Variants in ECT2 observed in about 807,000 individuals in gnomAD.
ECT2 encodes the protein protein ECT2.
In ECT2, 61 loss-of-function variants were observed where a neutral mutation model predicts 116.9. The ratio of observed to expected loss-of-function variants is 0.52; its 90% CI spans 0.42 to 0.65. The LOEUF is 0.65. Among genes scored for constraint, ECT2 ranks in the 30% least tolerant of loss-of-function variants. The pLI, the probability that ECT2 is intolerant of heterozygous loss-of-function variation, is 0.00. For synonymous variants in ECT2, 358 were observed against 346.4 expected (o/e 1.03, Z -0.37); for missense variants, 937 against 1,078.7 (o/e 0.87, Z 1.84).
At chr3:172,765,391 A>G (rs193130179) in intron 12 of ECT2, among the ~76,000 whole-genome samples, 19 of 152,126 alleles carry the variant, frequency 1.2e-4, no homozygotes, top group African/African-American at 3.6e-4. Context: ...AGTAAAATCT[A>G]TGGTTTTGAA....
intron 18 of ECT2, among the ~76,000 whole-genome samples, chr3:172,792,270 G>GA (rs1724807178): frequency 6.6e-6 from 1 of 152,142 alleles, no homozygotes; most frequent in African/African-American, 2.4e-5. Context: ...TGTACTGTTA[G>GA]AAAAATGACA....
intron 18 of ECT2, among the ~76,000 whole-genome samples, chr3:172,796,151 G>A (rs1430784043): frequency 1.3e-5 from 2 of 152,126 alleles, no homozygotes; most frequent in Admixed American, 1.3e-4. Flanking sequence ...GGTTGTTCCA[G>A]TATCAAAAAA....
rs764375408 is a variant in ECT2 at position 172,815,711 on chromosome 3, G to A, written c.2508G>A (p.Lys836=). The A allele has an allele frequency of 1.9e-6, 3 of 1,575,156 alleles. No homozygotes were observed. The South Asian group carries it at 3.5e-5, about 18-fold the overall frequency. The part of the protein sequence containing the change: ...ASRAIKKTSK[K]VTRAFSFSKT... ...GAGCAATAAAAAAGACTTCAAAAAA[G>A]GTGAGTTTTAGTGAAAGTATTATTT... The change falls in exon 23 of 25, where the codon AAG becomes AAA. Residue 836 remains lysine (K), a splice_region_variant and synonymous_variant. Coordinates refer to ENST00000392692, the MANE Select transcript of ECT2 (RefSeq NM_001258315.2).
At chr3:172,784,645 A>G (rs1723298147) in intron 16 of ECT2, 62 bp from the exon 17 acceptor site, 1 of 1,215,012 alleles carries the variant, frequency 8.2e-7, no homozygotes, top group African/African-American at 1.5e-5. Context: ...ACTCCAGTAA[A>G]AGTAGGGCAT....
Position 172,762,416 on chromosome 3 carries a change from G to A in ECT2, c.759G>A (p.Gln253=). 1 of 1,591,360 alleles carries A rather than the reference G, an allele frequency of 6.3e-7. No homozygotes were observed. Among genetic ancestry groups the A allele is most frequent in the Non-Finnish European group, 8.5e-7 (1 of 1,174,604 alleles). Residue 253 remains glutamine, a splice_region_variant and synonymous_variant, in exon 9 of 25, where the codon CAG becomes CAA. Transcript: ENST00000392692. ...TTGGAAGAGTGTATTTTGTTTTTAG[G>A]GATTTCTATGCAGCAGTTGATGACT... is the stretch of plus-strand genomic sequence containing the variant. ...IYKAWERRNE[Q]DFYAAVDDFR...
intron 24 of ECT2, among the ~76,000 whole-genome samples, chr3:172,817,227 T>C (rs771538889): frequency 7.9e-5 from 12 of 152,108 alleles, no homozygotes; most frequent in African/African-American, 2.7e-4. Context: ...TCTCCCCTAG[T>C]GCACTTTAAA....
Position 172,768,990 on chromosome 3 carries a change from A to G in ECT2, c.1292-17A>G, listed in dbSNP as rs1193596176. The G allele has an allele frequency of 6.4e-7, 1 of 1,571,924 alleles. No homozygotes were observed. Among genetic ancestry groups the G allele is most frequent in the Non-Finnish European group, 8.6e-7 (1 of 1,159,240 alleles). On this transcript the variant is annotated splice_polypyrimidine_tract_variant and intron_variant, in intron 12 of 24. Coordinates refer to ENST00000392692, the MANE Select transcript of ECT2 (RefSeq NM_001258315.2). ...TATTTGGCTTCCATTAAATCTTTCC[A>G]CCTTTTAACGTTTCAGACACCCCAA...
chr3:172,763,604 G>A (rs1214442186), intron 11 of ECT2, among the ~76,000 whole-genome samples: 2 of 152,188 alleles, frequency 1.3e-5, no homozygotes, highest in African/African-American at 4.8e-5. Flanking sequence ...TAAGGGGAGA[G>A]ACGTCATTAA....
Position 172,756,999 on chromosome 3 carries a change from T to G in ECT2, c.320T>G (p.Phe107Cys). The G allele has an allele frequency of 6.2e-7, 1 of 1,605,228 alleles. No individual in the cohort carries two copies. Among genetic ancestry groups the G allele is most frequent in the Non-Finnish European group, 8.5e-7 (1 of 1,177,746 alleles). Reference protein sequence around the residue: ...SVINMDIKVGFVKMESVEEFE... With the variant: ...SVINMDIKVGCVKMESVEEFE... ...GATGAAAAGGACATTAAAGTGGGCTTTGTAAAGATGGAGTCAGTGGAAGAA... is the reference window on the plus strand; with the variant it reads ...GATGAAAAGGACATTAAAGTGGGCTGTGTAAAGATGGAGTCAGTGGAAGAA... The change falls in exon 5 of 25, where the codon TTT becomes TGT. Residue 107 changes from phenylalanine to cysteine, a missense_variant. Coordinates refer to ENST00000392692, the MANE Select transcript of ECT2 (RefSeq NM_001258315.2).
chr3:172,782,640 G>A (rs979565686), intron 15 of ECT2, among the ~76,000 whole-genome samples: 7 of 152,140 alleles, frequency 4.6e-5, no homozygotes, highest in East Asian at 3.8e-4. Flanking sequence ...TCACCCAGGC[G>A]TTAAGCCTGG....
At chr3:172,823,374 A>T (rs187729950), downstream of ECT2, among the ~76,000 whole-genome samples, 450 of 152,312 alleles carry the variant, frequency 3.0e-3, 3 homozygotes, top group African/African-American at 0.01. Context: ...AACATGTAAG[A>T]CTATCAACCT....
At chr3:172,809,972 A>G (rs1728467801) in intron 22 of ECT2, among the ~76,000 whole-genome samples, 1 of 152,120 alleles carries the variant, frequency 6.6e-6, no homozygotes, top group Admixed American at 6.5e-5. Flanking sequence ...GAATCTAAGG[A>G]TTAAAGTTTA....
chr3:172,796,017 T>C (rs936639540), intron 18 of ECT2, among the ~76,000 whole-genome samples: 1 of 151,944 alleles, frequency 6.6e-6, no homozygotes, highest in Non-Finnish European at 1.5e-5. Context: ...GAAGAAAAAA[T>C]TGGAGGAAAA....
chr3:172,768,223 A>G (rs1009383945), intron 12 of ECT2, among the ~76,000 whole-genome samples: 1 of 152,180 alleles, frequency 6.6e-6, no homozygotes, highest in Admixed American at 6.5e-5. Flanking sequence ...GTAATTGTGT[A>G]ATCACAACAA....
At chr3:172,774,693 A>G (rs1304205509) in intron 14 of ECT2, among the ~76,000 whole-genome samples, 1 of 150,926 alleles carries the variant, frequency 6.6e-6, no homozygotes, top group African/African-American at 2.4e-5. Context: ...GAGACAGGGC[A>G]GGGTCTTGCT....
Position 172,815,615 on chromosome 3 carries a change from T to G in ECT2, c.2412T>G (p.Ile804Met). 6.3e-7 allele frequency: 1 copy of G among 1,581,938 alleles called. No homozygotes were observed. The highest frequency in any genetic ancestry group is 1.4e-5 in the African/African-American group (1 of 73,704). Residue 804 changes from isoleucine (I) to methionine (M), a missense_variant, in exon 23 of 25, where the codon ATT becomes ATG. Coordinates refer to ENST00000392692, the MANE Select transcript of ECT2 (RefSeq NM_001258315.2). Reference sequence around the variant, plus strand: ...TTATTTTTCAATAGGAGAATCTTATTTATACTGCTGATCCAGAATCCTTTG... The same window carrying G: ...TTATTTTTCAATAGGAGAATCTTATGTATACTGCTGATCCAGAATCCTTTG... ...TICKADAENL[I>M]YTADPESFEV...
At chr3:172,803,947 G>C (rs975976696) in intron 20 of ECT2, among the ~76,000 whole-genome samples, 2 of 151,866 alleles carry the variant, frequency 1.3e-5, no homozygotes, top group Non-Finnish European at 1.5e-5. Flanking sequence ...TGAGACTATA[G>C]ACACTCGCCA....
At chr3:172,790,699 A>T (rs556965970) in intron 18 of ECT2, among the ~76,000 whole-genome samples, 2 of 152,358 alleles carry the variant, frequency 1.3e-5, no homozygotes, top group African/African-American at 4.8e-5. Flanking sequence ...TCCTTGATTC[A>T]TGGGCTGCAG....
At position 172,754,582 on chromosome 3, in the gene ECT2, G is replaced by T. The variant is rs1192843050; in HGVS notation, c.52G>T (p.Asp18Tyr). ...TSTTGRTSLADSSIFDSKVTE... is the reference protein window; with the variant it reads ...TSTTGRTSLAYSSIFDSKVTE... ...CACTACTGGGAGGACTAGCTTGGCA[G>T]ACTCTTCCATTTTTGATTCTAAAGT... The change falls in exon 2 of 25, where the codon GAC (aspartate) becomes TAC (tyrosine). Residue 18 changes from aspartate to tyrosine, a missense_variant. By Grantham distance (160) the Asp-to-Tyr change is radical (BLOSUM62 -3). Coordinates refer to ENST00000392692, the MANE Select transcript of ECT2 (RefSeq NM_001258315.2). 29 of 1,611,866 alleles carry T rather than the reference G, an allele frequency of 1.8e-5. No individual in the cohort carries two copies. The highest frequency in any genetic ancestry group is 2.1e-5 in the Non-Finnish European group (25 of 1,178,766).
Sources: gnomAD v4.1 joint callset for allele counts (sites outside exome capture counted in the v4.1 genomes callset) on GRCh38, gnomAD v4.1.1 for gene constraint, MANE v1.5 for transcripts, NCBI Gene and HGNC (gene_info 2026-07-23, HGNC 2026-07-21) for gene names.